Variants in VPS13B observed in about 807,000 individuals in gnomAD.
VPS13B encodes the protein vacuolar protein sorting 13 homolog B.
VPS13B carries 285 observed loss-of-function variants against 426.4 expected under a neutral mutation model. The observed-to-expected ratio is 0.67, with a 90% CI of 0.61 to 0.74. The LOEUF is 0.74. VPS13B is among the 30% of genes least tolerant of loss of function. The pLI is 0.00. For missense variants in VPS13B, 4,537 were observed against 4,782.6 expected (o/e 0.95, Z 1.51); for synonymous variants, 1,676 against 1,676.4 (o/e 1.00, Z 0.01).
chr8:99,481,006 G>A (rs1388832931), intron 24 of VPS13B, among the ~76,000 whole-genome samples: 1 of 151,974 alleles, frequency 6.6e-6, no homozygotes, highest in Non-Finnish European at 1.5e-5. Flanking sequence ...GTCAAACAAT[G>A]TGCAAATTAA....
chr8:99,123,559 G>C (rs532714152), intron 8 of VPS13B, among the ~76,000 whole-genome samples: 1 of 152,198 alleles, frequency 6.6e-6, no homozygotes, highest in East Asian at 1.9e-4. Flanking sequence ...TTTTAATCTG[G>C]ATCACTGTGG....
rs557446114 is a variant in VPS13B, at chr8:99,352,978, C to CTTA, written c.2825-31215_2825-31213dup. ...AATTTACTTAAAAACAAACAAAAAACTTATTATTATTATTATTTTTTGGAG... is the reference window on the plus strand; with the variant it reads ...AATTTACTTAAAAACAAACAAAAAACTTATTATTATTATTATTATTTTTTGGAG... On this transcript the variant is annotated intron_variant, in intron 19 of 61. Coordinates refer to ENST00000357162, the MANE Select transcript of VPS13B (RefSeq NM_152564.5). Among the ~76,000 whole-genome samples, 297 of 151,648 alleles carry CTTA rather than the reference C, an allele frequency of 2.0e-3. 1 individual carries two copies. Among genetic ancestry groups the CTTA allele is most frequent in the African/African-American group, 6.9e-3 (286 of 41,334 alleles).
At chr8:99,528,557 C>T (rs1294766199) in intron 30 of VPS13B, among the ~76,000 whole-genome samples, 1 of 152,076 alleles carries the variant, frequency 6.6e-6, no homozygotes, top group Non-Finnish European at 1.5e-5. Context: ...TAATTGCATG[C>T]TTTGTCTACA....
chr8:99,196,739 G>A (rs993023343), intron 17 of VPS13B, among the ~76,000 whole-genome samples: 10 of 152,004 alleles, frequency 6.6e-5, no homozygotes, highest in Non-Finnish European at 1.2e-4. Flanking sequence ...ATGCCTGGCT[G>A]GGATTTTTAC....
chr8:99,574,891 G>T (rs992930276), intron 31 of VPS13B, among the ~76,000 whole-genome samples: 1 of 152,132 alleles, frequency 6.6e-6, no homozygotes, highest in African/African-American at 2.4e-5. Flanking sequence ...AGCTGGACAT[G>T]GTGGCTCAAC....
At chr8:99,219,237 C>G (rs1180955682) in intron 17 of VPS13B, among the ~76,000 whole-genome samples, 1 of 152,086 alleles carries the variant, frequency 6.6e-6, no homozygotes, top group East Asian at 1.9e-4. Context: ...ATGAGAATGG[C>G]CTTGAATTTT....
At chr8:99,548,504 C>T (rs1824107239) in intron 30 of VPS13B, among the ~76,000 whole-genome samples, 1 of 151,788 alleles carries the variant, frequency 6.6e-6, no homozygotes, top group African/African-American at 2.4e-5. Context: ...AGTTAATGTA[C>T]CCCATAAATT....
chr8:99,403,567 AT>A (rs1427803111), intron 21 of VPS13B, among the ~76,000 whole-genome samples: 38 of 148,854 alleles, frequency 2.6e-4, no homozygotes, highest in African/African-American at 8.9e-4. Context: ...AAAAAAAAAA[AT>A]GTAATTGAAG....
chr8:99,510,311 C>A (rs1021882429), intron 28 of VPS13B, among the ~76,000 whole-genome samples: 13 of 152,192 alleles, frequency 8.5e-5, no homozygotes, highest in African/African-American at 2.9e-4. Flanking sequence ...AATGTTATAT[C>A]CTATCTAGTG....
chr8:99,049,335 G>A (rs1456294114), intron 3 of VPS13B, among the ~76,000 whole-genome samples: 1 of 151,844 alleles, frequency 6.6e-6, no homozygotes, highest in African/African-American at 2.4e-5. Context: ...CCTTTTAGCA[G>A]TTCTTGTAGT....
chr8:99,721,543 T>C (rs949661356), intron 39 of VPS13B, among the ~76,000 whole-genome samples: 2 of 151,882 alleles, frequency 1.3e-5, no homozygotes, highest in Non-Finnish European at 2.9e-5. Flanking sequence ...CCTAAGGTTT[T>C]GTGAAAGTGT....
rs139894642 is a variant in VPS13B at position 99,617,013 on chromosome 8, G to C, written c.5221-24798G>C. Among the ~76,000 whole-genome samples, 4 of 152,320 alleles carry C rather than the reference G, an allele frequency of 2.6e-5. No individual in the cohort carries two copies. The East Asian group carries it at 7.7e-4, about 29-fold the overall frequency. On this transcript the variant is annotated intron_variant, in intron 33 of 61. Coordinates refer to ENST00000357162, the MANE Select transcript of VPS13B (RefSeq NM_152564.5). ...GAGTGAGGAGAAACGGAGATGTATA[G>C]TTGTAAGGTTCTTAGACTATATGTA...
intron 31 of VPS13B, among the ~76,000 whole-genome samples, chr8:99,574,209 A>T (rs1588508778): frequency 6.6e-6 from 1 of 152,204 alleles, no homozygotes; most frequent in African/African-American, 2.4e-5. Context: ...GGCTGAGAGG[A>T]TGGGGTTTTC....
chr8:99,450,350 C>T (rs1818125726), intron 23 of VPS13B, among the ~76,000 whole-genome samples: 1 of 152,088 alleles, frequency 6.6e-6, no homozygotes, highest in African/African-American at 2.4e-5. Context: ...ACAACTTTGA[C>T]TTTTAGTTAA....
intron 35 of VPS13B, among the ~76,000 whole-genome samples, chr8:99,692,013 C>T (rs1050212222): frequency 6.6e-6 from 1 of 151,638 alleles, no homozygotes. Flanking sequence ...TATATATGCA[C>T]CCAATACAGG....
intron 33 of VPS13B, among the ~76,000 whole-genome samples, chr8:99,578,705 G>A (rs940363731): frequency 6.6e-6 from 1 of 151,950 alleles, no homozygotes; most frequent in Non-Finnish European, 1.5e-5. Flanking sequence ...ATGCATTTTC[G>A]ATGAGGCCTC....
chr8:99,870,867 C>T lies in VPS13B; in HGVS notation c.11475C>T (p.Asn3825=). 1 of 1,614,196 alleles carries T rather than the reference C, an allele frequency of 6.2e-7. No homozygotes were observed. Among genetic ancestry groups the T allele is most frequent in the South Asian group, 1.1e-5 (1 of 91,084 alleles). ...PSDLHADQAP[N]SHVKYVWKML... ...ATCTACATGCTGACCAGGCTCCAAA[C>T]AGCCATGTCAAATATGTCTGGTAAA... Residue 3825 remains asparagine, a synonymous_variant, in exon 60 of 62, where the codon AAC becomes AAT. Coordinates refer to ENST00000357162, the MANE Select transcript of VPS13B (RefSeq NM_152564.5).
intron 5 of VPS13B, among the ~76,000 whole-genome samples, chr8:99,106,806 C>T (rs1847073268): frequency 6.6e-6 from 1 of 152,182 alleles, no homozygotes; most frequent in Admixed American, 6.5e-5. Flanking sequence ...CCTCTCCCTG[C>T]ACAATCAGGT....
intron 29 of VPS13B, 120 bp downstream of exon 29, chr8:99,511,632 G>A (rs1431511354): frequency 9.6e-7 from 1 of 1,036,402 alleles, no homozygotes; most frequent in Non-Finnish European, 1.4e-6. Context: ...TTGTGGTTTG[G>A]TATATTTTAT....
Sources: gnomAD v4.1 joint callset for allele counts (sites outside exome capture counted in the v4.1 genomes callset) on GRCh38, gnomAD v4.1.1 for gene constraint, MANE v1.5 for transcripts, NCBI Gene and HGNC (gene_info 2026-07-23, HGNC 2026-07-21) for gene names.